Variants in PTPRD observed in about 807,000 individuals in gnomAD.
PTPRD encodes receptor-type tyrosine-protein phosphatase delta.
Under a neutral mutation model 214.5 loss-of-function variants are expected in PTPRD, and 34 were observed. The ratio of observed to expected loss-of-function variants is 0.16; its 90% CI spans 0.12 to 0.21. The LOEUF is 0.21. PTPRD is among the 10% of genes least tolerant of loss of function. The probability of loss-of-function intolerance (pLI) is 1.00; values close to 1 mark genes in which losing one functional copy is unlikely to be tolerated. For missense variants in PTPRD, 2,545 were observed against 2,398.7 expected (o/e 1.06, Z -1.27); for synonymous variants, 1,128 against 845.7 (o/e 1.33, Z -5.79).
At chr9:10,603,438 A>G (rs2133448348) in intron 2 of PTPRD, among the ~76,000 whole-genome samples, 1 of 151,892 alleles carries the variant, frequency 6.6e-6, no homozygotes, top group Non-Finnish European at 1.5e-5. Flanking sequence ...TTTGTCTTAT[A>G]AAAGCAGATC....
intron 2 of PTPRD, among the ~76,000 whole-genome samples, chr9:10,510,969 C>G (rs963306951): frequency 2.6e-5 from 4 of 152,096 alleles, no homozygotes; most frequent in African/African-American, 7.2e-5. Context: ...ATTTCTGTGA[C>G]TGGTTTACTT....
chr9:8,747,923 C>T (rs1162752793), intron 11 of PTPRD, among the ~76,000 whole-genome samples: 2 of 152,132 alleles, frequency 1.3e-5, no homozygotes, highest in African/African-American at 4.8e-5. Flanking sequence ...TATCTTTAAC[C>T]TCCTTGTTAA....
At chr9:10,599,933 A>C (rs1344498321) in intron 2 of PTPRD, among the ~76,000 whole-genome samples, 1 of 151,724 alleles carries the variant, frequency 6.6e-6, no homozygotes, top group Admixed American at 6.6e-5. Flanking sequence ...GTCTCCCAAT[A>C]TTATGGGTTC....
intron 10 of PTPRD, among the ~76,000 whole-genome samples, chr9:9,037,898 G>C (rs1221611671): frequency 2.0e-5 from 3 of 152,170 alleles, no homozygotes; most frequent in African/African-American, 7.2e-5. Context: ...TTGGGAAGCA[G>C]GAATGTGTGG....
intron 3 of PTPRD, among the ~76,000 whole-genome samples, chr9:10,221,921 T>G (rs1383969958): frequency 6.6e-6 from 1 of 151,974 alleles, no homozygotes; most frequent in Non-Finnish European, 1.5e-5. Flanking sequence ...ATTATTAAAC[T>G]TGAAACAAAT....
intron 3 of PTPRD, among the ~76,000 whole-genome samples, chr9:10,214,363 A>T (rs140989078): frequency 6.7e-6 from 1 of 148,560 alleles, no homozygotes; most frequent in Non-Finnish European, 1.5e-5. Context: ...TGCAACCTCT[A>T]CCTCCTGGGT....
intron 5 of PTPRD, among the ~76,000 whole-genome samples, chr9:9,867,226 T>G (rs1277438394): frequency 1.3e-5 from 2 of 152,134 alleles, no homozygotes; most frequent in African/African-American, 4.8e-5. Context: ...CTTGTTTATT[T>G]TCCTGATCAC....
At chr9:9,755,808 T>C (rs730128) in intron 6 of PTPRD, among the ~76,000 whole-genome samples, 2,363 of 152,204 alleles carry the variant, frequency 0.016, 39 homozygotes, top group African/African-American at 0.039. Flanking sequence ...CATTGTCAAA[T>C]ATTATTCAAT....
intron 44 of PTPRD, among the ~76,000 whole-genome samples, chr9:8,331,225 A>AAGAC (rs759395145): frequency 6.7e-6 from 1 of 149,754 alleles, no homozygotes; most frequent in East Asian, 1.9e-4. Context: ...AAACAGAAGA[A>AAGAC]AGACAGTTAT....
chr9:9,496,502 A>C (rs2154216357), intron 8 of PTPRD, among the ~76,000 whole-genome samples: 1 of 152,308 alleles, frequency 6.6e-6, no homozygotes. Context: ...AGAAAAAGGC[A>C]AACCCAAACT....
intron 5 of PTPRD, among the ~76,000 whole-genome samples, chr9:9,917,063 T>C (rs2081052799): frequency 6.6e-6 from 1 of 150,500 alleles, no homozygotes; most frequent in African/African-American, 2.4e-5. Context: ...GCAAAAGTAG[T>C]ATTAAGAGGC....
chr9:8,333,346 G>A (rs748522070), intron 43 of PTPRD, among the ~76,000 whole-genome samples: 10 of 152,136 alleles, frequency 6.6e-5, no homozygotes, highest in Non-Finnish European at 1.3e-4. Context: ...AAGAGGTCAT[G>A]TGTGCAAATA....
In PTPRD at chr9:10,297,120, T is replaced by A. The variant is rs868327759; in HGVS notation, c.-545+43843A>T. Reference sequence around the variant, plus strand: ...CAGAAATTTTATATATATATATATATAAAATATATATATATTTTTATTATA... The same window carrying A: ...CAGAAATTTTATATATATATATATAAAAAATATATATATATTTTTATTATA... On this transcript the variant is annotated intron_variant, in intron 3 of 45. Transcript: ENST00000381196. Among the ~76,000 whole-genome samples the A allele has an allele frequency of 4.0e-4, 58 of 144,360 alleles. No homozygotes were observed. The East Asian group carries it at 4.9e-3, about 12-fold the overall frequency. The allele number at this position is 144,360 out of a possible 152,430, so 94.7% of individuals were successfully genotyped here.
chr9:10,435,642 A>G (rs1031608307), intron 2 of PTPRD, among the ~76,000 whole-genome samples: 2 of 151,934 alleles, frequency 1.3e-5, no homozygotes, highest in African/African-American at 4.8e-5. Flanking sequence ...AGACACTTTA[A>G]GAATTGCTTA....
intron 2 of PTPRD, among the ~76,000 whole-genome samples, chr9:10,423,834 T>C (rs1203448203): frequency 2.0e-5 from 3 of 152,038 alleles, no homozygotes; most frequent in Admixed American, 6.6e-5. Context: ...TGCATGTTTT[T>C]AGGTTTGGGA....
chr9:10,473,500 G>A (rs1184617482), intron 2 of PTPRD, among the ~76,000 whole-genome samples: 1 of 152,066 alleles, frequency 6.6e-6, no homozygotes, highest in East Asian at 1.9e-4. Context: ...GAACAAGACT[G>A]AGCTTGCACA....
intron 3 of PTPRD, among the ~76,000 whole-genome samples, chr9:10,077,638 C>T (rs1244058544): frequency 1.3e-5 from 2 of 152,160 alleles, no homozygotes; most frequent in South Asian, 4.1e-4. Context: ...CAATCTTCAC[C>T]GTCCTCCGTT....
intron 10 of PTPRD, among the ~76,000 whole-genome samples, chr9:9,170,389 T>C (rs1469557254): frequency 6.6e-6 from 1 of 152,174 alleles, no homozygotes; most frequent in Middle Eastern, 3.2e-3. Flanking sequence ...ACAAAATAGA[T>C]TGGGTGGTTT....
At chr9:9,657,686 T>C (rs2096545888) in intron 7 of PTPRD, among the ~76,000 whole-genome samples, 1 of 152,246 alleles carries the variant, frequency 6.6e-6, no homozygotes, top group African/African-American at 2.4e-5. Context: ...TTTTTATTAT[T>C]GGCAGAATTT....
Sources: gnomAD v4.1 joint callset for allele counts (sites outside exome capture counted in the v4.1 genomes callset) on GRCh38, gnomAD v4.1.1 for gene constraint, MANE v1.5 for transcripts, NCBI Gene and HGNC (gene_info 2026-07-23, HGNC 2026-07-21) for gene names.